Variants in SLC25A13 observed in about 807,000 individuals in gnomAD.
SLC25A13 encodes electrogenic aspartate/glutamate antiporter SLC25A13, mitochondrial.
A neutral mutation model predicts 85.5 loss-of-function variants in SLC25A13; 70 were observed. That is an observed-to-expected ratio of 0.82 (90% confidence interval 0.68 to 1.00). SLC25A13 has a LOEUF of 1.00. SLC25A13 is among the 50% of genes least tolerant of loss of function. SLC25A13 has a pLI of 0.00. For missense variants in SLC25A13, 765 were observed against 819.8 expected, an observed-to-expected ratio of 0.93 and a Z score of 0.82; for synonymous variants, 259 against 288.7, an observed-to-expected ratio of 0.90 and a Z score of 1.04.
chr7:96,153,342 T>C (rs1028048342), intron 13 of SLC25A13, among the ~76,000 whole-genome samples: 1 of 152,248 alleles, frequency 6.6e-6, no homozygotes, highest in Non-Finnish European at 1.5e-5. Flanking sequence ...AATAATATTC[T>C]GGCTCTCCAT....
intron 11 of SLC25A13, among the ~76,000 whole-genome samples, chr7:96,172,909 C>T (rs535104453): frequency 2.6e-5 from 4 of 152,082 alleles, no homozygotes; most frequent in Admixed American, 2.0e-4. Context: ...TAGGCGCCTG[C>T]CACCACGCCC....
intron 15 of SLC25A13, among the ~76,000 whole-genome samples, chr7:96,125,765 TTG>T: frequency 6.6e-6 from 1 of 151,734 alleles, no homozygotes. Flanking sequence ...TTTTTTTTTT[TTG>T]CATGTCTTTA....
chr7:96,180,731 G>A (rs1794388997), intron 11 of SLC25A13, among the ~76,000 whole-genome samples: 1 of 152,226 alleles, frequency 6.6e-6, no homozygotes, highest in East Asian at 1.9e-4. Context: ...AGAGAAGACT[G>A]CAACAAAGTT....
intron 13 of SLC25A13, 84 bp from the exon 14 acceptor site, chr7:96,146,780 T>C: frequency 6.8e-7 from 1 of 1,465,652 alleles, no homozygotes. Context: ...TTCTCAAGGA[T>C]AAAAATATTC....
chr7:96,239,065 A>ATATATATATATATATATATATATATATG (rs1392985826), intron 3 of SLC25A13, among the ~76,000 whole-genome samples: 3 of 132,060 alleles, frequency 2.3e-5, no homozygotes, highest in Admixed American at 7.7e-5. Flanking sequence ...ATATATATAT[A>ATATATATATATATATATATATATATATG]TATGTATGTA....
intron 2 of SLC25A13, among the ~76,000 whole-genome samples, chr7:96,295,274 G>A (rs1013217329): frequency 5.3e-5 from 8 of 152,158 alleles, no homozygotes; most frequent in African/African-American, 1.4e-4. Flanking sequence ...ACCTGAACCC[G>A]GGAGGTGGAG....
At chr7:96,204,574 A>C (rs899893806) in intron 5 of SLC25A13, among the ~76,000 whole-genome samples, 12 of 152,192 alleles carry the variant, frequency 7.9e-5, no homozygotes, top group African/African-American at 2.7e-4. Flanking sequence ...AAAAGGAAAA[A>C]AAAATTTGGC....
At chr7:96,205,909 C>A (rs925320688) in intron 5 of SLC25A13, among the ~76,000 whole-genome samples, 4 of 151,182 alleles carry the variant, frequency 2.6e-5, no homozygotes, top group African/African-American at 9.8e-5. Flanking sequence ...AAGAAGCTCA[C>A]ACTTGCTTAG....
chr7:96,146,519 G>A, intron 14 of SLC25A13, 37 bp downstream of exon 14: 1 of 1,597,336 alleles, frequency 6.3e-7, no homozygotes, highest in Non-Finnish European at 8.5e-7. Flanking sequence ...AGATGAGAAA[G>A]TAATCAAATA....
At chr7:96,304,100 G>A in intron 1 of SLC25A13, among the ~76,000 whole-genome samples, 1 of 152,168 alleles carries the variant, frequency 6.6e-6, no homozygotes, top group Non-Finnish European at 1.5e-5. Flanking sequence ...ATTTTTTATT[G>A]AAACCACTGA....
At chr7:96,140,333 A>T (rs984118946) in intron 14 of SLC25A13, among the ~76,000 whole-genome samples, 5 of 150,686 alleles carry the variant, frequency 3.3e-5, no homozygotes, top group East Asian at 2.0e-4. Flanking sequence ...TAACTTTTTG[A>T]GAAAACTCCA....
intron 3 of SLC25A13, among the ~76,000 whole-genome samples, chr7:96,259,434 C>T (rs1444671335): frequency 1.3e-5 from 2 of 152,058 alleles, no homozygotes; most frequent in African/African-American, 4.8e-5. Flanking sequence ...AGACATTTAT[C>T]ATCCAACAAA....
rs1464003465 is a variant in SLC25A13 at position 96,303,957 on chromosome 7, G to A, written c.16-7006C>T. ...TCTCTCTCTGCTTAAACCAGCTAGAGTAGATTCTGTTCTCTGCGAGTGAGC... is the reference window on the plus strand; with the variant it reads ...TCTCTCTCTGCTTAAACCAGCTAGAATAGATTCTGTTCTCTGCGAGTGAGC... On this transcript the variant is annotated intron_variant, in intron 1 of 17. Transcript: ENST00000265631. 3.3e-5 allele frequency among the ~76,000 whole-genome samples: 5 copies of A among 152,192 alleles called. No individual in the cohort carries two copies. The East Asian group carries it at 7.7e-4, about 23-fold the overall frequency.
rs540149539 is a variant in SLC25A13 at position 96,146,609 on chromosome 7, G to C, written c.1399C>G (p.Arg467Gly). ...QVAGEITTGPRVSALSVVRDL... is the reference protein window; with the variant it reads ...QVAGEITTGPGVSALSVVRDL... ...CGCACGACAGACAGAGCACTGACTC[G>C]AGGACCAGTGGTGATTTCTCCTGCC... The change falls in exon 14 of 18, where the codon CGA (arginine) becomes GGA (glycine). Residue 467 changes from arginine to glycine, a missense_variant. Physicochemically the swap from Arg to Gly is moderately radical, Grantham distance 125. Coordinates refer to ENST00000265631, the MANE Select transcript of SLC25A13 (RefSeq NM_014251.3). The C allele has an allele frequency of 6.2e-7, 1 of 1,613,592 alleles. No homozygotes were observed.
chr7:96,319,532 C>A (rs1800256921), intron 1 of SLC25A13, among the ~76,000 whole-genome samples: 1 of 122,226 alleles, frequency 8.2e-6, no homozygotes, highest in Admixed American at 9.0e-5. Flanking sequence ...CAGAGCAAGA[C>A]TCCATCTCAA....
intron 5 of SLC25A13, among the ~76,000 whole-genome samples, chr7:96,197,095 C>A (rs1795092057): frequency 6.6e-6 from 1 of 152,174 alleles, no homozygotes; most frequent in East Asian, 1.9e-4. Context: ...CATTTCTACT[C>A]CCCAGCCCTC....
At chr7:96,241,978 G>C (rs1317717242) in intron 3 of SLC25A13, among the ~76,000 whole-genome samples, 2 of 152,162 alleles carry the variant, frequency 1.3e-5, no homozygotes, top group East Asian at 3.9e-4. Context: ...CAACTCTGTG[G>C]CTACGAAAGT....
intron 3 of SLC25A13, among the ~76,000 whole-genome samples, chr7:96,240,648 G>A (rs1796934094): frequency 1.3e-5 from 2 of 151,552 alleles, no homozygotes; most frequent in Admixed American, 1.3e-4. Flanking sequence ...GGAGGCCAAG[G>A]CAGAAGGATC....
intron 13 of SLC25A13, among the ~76,000 whole-genome samples, chr7:96,168,293 G>A (rs1249395404): frequency 6.6e-6 from 1 of 151,922 alleles, no homozygotes; most frequent in African/African-American, 2.4e-5. Context: ...AGGCAAGGGA[G>A]AAGACTTGAA....
Sources: gnomAD v4.1 joint callset for allele counts (sites outside exome capture counted in the v4.1 genomes callset) on GRCh38, gnomAD v4.1.1 for gene constraint, MANE v1.5 for transcripts, NCBI Gene and HGNC (gene_info 2026-07-23, HGNC 2026-07-21) for gene names.